SPSB1: variants seen among roughly 807,000 people sequenced by gnomAD.
SPSB1 encodes the protein splA/ryanodine receptor domain and SOCS box containing 1.
Under a neutral mutation model 21.2 loss-of-function variants are expected in SPSB1, and 8 were observed. The observed-to-expected ratio is 0.38, with a 90% CI of 0.22 to 0.68. The LOEUF (loss-of-function observed/expected upper bound fraction) is 0.68, where lower values mean the gene tolerates loss of function less well. Among genes scored for constraint, SPSB1 ranks in the 30% least tolerant of loss-of-function variants. The pLI is 0.53. For missense variants in SPSB1, 242 were observed against 377.8 expected (o/e 0.64, Z 2.98); for synonymous variants, 169 against 161.7 (o/e 1.05, Z -0.34).
intron 1 of SPSB1, among the ~76,000 whole-genome samples, chr1:9,307,580 C>G (rs1173855895): frequency 1.3e-5 from 2 of 152,208 alleles, no homozygotes; most frequent in Non-Finnish European, 2.9e-5. Flanking sequence ...ATTTCCCGTC[C>G]TGGCTCAGTT....
intron 1 of SPSB1, among the ~76,000 whole-genome samples, chr1:9,295,645 G>A (rs909571308): frequency 6.6e-6 from 1 of 152,134 alleles, no homozygotes; most frequent in African/African-American, 2.4e-5. Context: ...GAATGGGGTG[G>A]GGGCCTAGCC....
Position 9,295,995 on chromosome 1 carries a change from C to A in SPSB1, c.-150+2924C>A, listed in dbSNP as rs563097679. Among the ~76,000 whole-genome samples the A allele has an allele frequency of 1.5e-4, 23 of 152,202 alleles. No individual in the cohort carries two copies. In the South Asian group the frequency reaches 4.6e-3, roughly 30 times the overall value. On this transcript the variant is annotated intron_variant, in intron 1 of 2. Coordinates refer to ENST00000328089, the MANE Select transcript of SPSB1 (RefSeq NM_025106.4). Reference sequence around the variant, plus strand: ...ACACTAGATCAGTGAAATCCAGACTCTAAGGGACTTCGATTTTGGACTTTC... The same window carrying A: ...ACACTAGATCAGTGAAATCCAGACTATAAGGGACTTCGATTTTGGACTTTC...
At chr1:9,341,189 C>T (rs912831291) in intron 1 of SPSB1, among the ~76,000 whole-genome samples, 1 of 152,222 alleles carries the variant, frequency 6.6e-6, no homozygotes, top group African/African-American at 2.4e-5. Context: ...TCCCGCAGTA[C>T]TTAGGTCCTG....
rs956508849 is a variant in SPSB1, at chr1:9,324,847, G to A, written c.-149-30896G>A. Among the ~76,000 whole-genome samples, 6 of 152,182 alleles carry A rather than the reference G, an allele frequency of 3.9e-5. No individual in the cohort carries two copies. The highest frequency in any genetic ancestry group is 2.1e-4 in the South Asian group (1 of 4,832). On this transcript the variant is annotated intron_variant, in intron 1 of 2. Transcript: ENST00000328089. This position sits in a 1 kb window ranked among gnomAD's most constrained non-coding sequence, Gnocchi z 4.3. ...AGTCGTGTTTGCGACAAGTCTGTTC[G>A]CCTGGCCGTGGAGCCAGCACGGTCT...
intron 1 of SPSB1, among the ~76,000 whole-genome samples, chr1:9,354,645 T>C (rs1640332135): frequency 6.6e-6 from 1 of 152,040 alleles, no homozygotes; most frequent in Admixed American, 6.6e-5. Context: ...AAACCCCGTC[T>C]CTACTAAAAA....
At chr1:9,337,159 C>T (rs771743590) in intron 1 of SPSB1, among the ~76,000 whole-genome samples, 11 of 152,220 alleles carry the variant, frequency 7.2e-5, no homozygotes, top group Non-Finnish European at 1.0e-4. Context: ...GCTTTCTGGT[C>T]GTTTCCATCT....
chr1:9,364,814 GT>G (rs1410852351), intron 2 of SPSB1, among the ~76,000 whole-genome samples: 3 of 149,722 alleles, frequency 2.0e-5, no homozygotes, highest in African/African-American at 7.5e-5. Flanking sequence ...CAGTTTTGGG[GT>G]TTTTTTGTTG....
chr1:9,298,419 T>C (rs1366258946), intron 1 of SPSB1, among the ~76,000 whole-genome samples: 1 of 90,886 alleles, frequency 1.1e-5, no homozygotes, highest in Non-Finnish European at 2.4e-5. Context: ...AATGAATGAA[T>C]AAGTGAACGA....
At chr1:9,308,140 T>C (rs1193220881) in intron 1 of SPSB1, among the ~76,000 whole-genome samples, 1 of 152,234 alleles carries the variant, frequency 6.6e-6, no homozygotes, top group Non-Finnish European at 1.5e-5. Context: ...TCCAGTGTTT[T>C]CCAAGACATG....
intron 2 of SPSB1, among the ~76,000 whole-genome samples, chr1:9,364,181 C>A (rs1640519425): frequency 6.6e-6 from 1 of 152,236 alleles, no homozygotes; most frequent in South Asian, 2.1e-4. Flanking sequence ...CCGGCGGGGG[C>A]TGAGCCACAT....
At chr1:9,316,901 G>T (rs993503830) in intron 1 of SPSB1, among the ~76,000 whole-genome samples, 1 of 152,168 alleles carries the variant, frequency 6.6e-6, no homozygotes, top group Admixed American at 6.5e-5. Context: ...TGAAATGCGG[G>T]TATAAGAGTG....
intron 1 of SPSB1, among the ~76,000 whole-genome samples, chr1:9,323,077 C>T (rs981765183): frequency 4.6e-5 from 7 of 152,320 alleles, no homozygotes; most frequent in Non-Finnish European, 8.8e-5. Context: ...GCCAGGCGGC[C>T]GCCCCTCCCC....
rs1639784445 is a variant in SPSB1, at chr1:9,324,737, T to C, written c.-149-31006T>C. On this transcript the variant is annotated intron_variant, in intron 1 of 2. Coordinates refer to ENST00000328089, the MANE Select transcript of SPSB1 (RefSeq NM_025106.4). The surrounding 1 kb of genome is among the most constrained non-coding windows in gnomAD (Gnocchi z 4.3). ...CCGGAGCCCAGAATCTCTCTGGGAATGAGCACAGCCACCTCCGAGCCACAG... is the reference window on the plus strand; with the variant it reads ...CCGGAGCCCAGAATCTCTCTGGGAACGAGCACAGCCACCTCCGAGCCACAG... Among the ~76,000 whole-genome samples the C allele has an allele frequency of 1.3e-5, 2 of 152,172 alleles. No individual in the cohort carries two copies. Among genetic ancestry groups the C allele is most frequent in the South Asian group, 4.1e-4 (2 of 4,826 alleles).
At chr1:9,342,625 T>C (rs1367992029) in intron 1 of SPSB1, among the ~76,000 whole-genome samples, 1 of 152,176 alleles carries the variant, frequency 6.6e-6, no homozygotes, top group East Asian at 1.9e-4. Flanking sequence ...GGTTCTCCCA[T>C]GTCCTCATCC....
chr1:9,300,272 A>G (rs1639306965), intron 1 of SPSB1, among the ~76,000 whole-genome samples: 1 of 152,224 alleles, frequency 6.6e-6, no homozygotes, highest in South Asian at 2.1e-4. Flanking sequence ...CTTTGGAGGC[A>G]ACACATTCCT....
chr1:9,305,018 GCT>G lies in SPSB1; in HGVS notation c.-150+11948_-150+11949del, dbSNP rs1013730973. Among the ~76,000 whole-genome samples, 1 of 152,068 alleles carries G rather than the reference GCT, an allele frequency of 6.6e-6. No individual in the cohort carries two copies. Among genetic ancestry groups the G allele is most frequent in the African/African-American group, 2.4e-5 (1 of 41,388 alleles). On this transcript the variant is annotated intron_variant, in intron 1 of 2. Transcript: ENST00000328089. The surrounding 1 kb of genome is among the most constrained non-coding windows in gnomAD (Gnocchi z 4.8). ...TTAGAAAGCTCTGGCCATTCCCTGG[GCT>G]TCACCTGCCTCCTGCGCCCAGACCC...
At chr1:9,359,370 C>T (rs1301882632) in intron 2 of SPSB1, among the ~76,000 whole-genome samples, 1 of 152,226 alleles carries the variant, frequency 6.6e-6, no homozygotes, top group African/African-American at 2.4e-5. Flanking sequence ...TAACCCGACA[C>T]CTCTGGACGC....
At chr1:9,365,556 C>A (rs761993029) in intron 2 of SPSB1, among the ~76,000 whole-genome samples, 19 of 146,746 alleles carry the variant, frequency 1.3e-4, no homozygotes, top group African/African-American at 4.8e-4. Flanking sequence ...AATTCAGTGG[C>A]CTCTTGCGTG....
chr1:9,328,969 G>C (rs1268365970), intron 1 of SPSB1, among the ~76,000 whole-genome samples: 1 of 152,202 alleles, frequency 6.6e-6, no homozygotes, highest in African/African-American at 2.4e-5. Flanking sequence ...AGGAGGGAGG[G>C]TAGTAAAATC....
Sources: gnomAD v4.1 joint callset for allele counts (sites outside exome capture counted in the v4.1 genomes callset) on GRCh38, gnomAD v4.1.1 for gene constraint, Gnocchi (gnomAD v3.1) non-coding constraint, MANE v1.5 for transcripts, NCBI Gene and HGNC (gene_info 2026-07-23, HGNC 2026-07-21) for gene names.